TBC1D25: variants seen among roughly 807,000 people sequenced by gnomAD.
TBC1D25 encodes the protein 5SN3 snoRNA.
In TBC1D25, 13 loss-of-function variants were observed where a neutral mutation model predicts 38.8. The ratio of observed to expected loss-of-function variants is 0.34; its 90% CI spans 0.22 to 0.53. The LOEUF is 0.53. TBC1D25 is among the 20% of genes least tolerant of loss of function. The probability of loss-of-function intolerance (pLI) is 0.94; values close to 1 mark genes in which losing one functional copy is unlikely to be tolerated. For missense variants in TBC1D25, 372 were observed against 600.0 expected (o/e 0.62, Z 3.97); for synonymous variants, 225 against 255.6 (o/e 0.88, Z 1.14).
chrX:48,560,466 A>G lies in TBC1D25; in HGVS notation c.1558A>G (p.Arg520Gly). The change falls in exon 6 of 6, where the codon AGG (arginine) becomes GGG (glycine). Residue 520 changes from arginine (R) to glycine (G), a missense_variant. By Grantham distance (125) the Arg-to-Gly change is moderately radical. Coordinates refer to ENST00000376771, the MANE Select transcript of TBC1D25 (RefSeq NM_002536.4). ...GCAACTCAGGGATAACATGGGCTCC[A>G]GGAGGGACCCTCTGGTCCAGCTGCC... ...LQQLRDNMGS[R>G]RDPLVQLPHP... 1 of 1,209,746 alleles carries G rather than the reference A, an allele frequency of 8.3e-7. No individual in the cohort carries two copies. The highest frequency in any genetic ancestry group is 1.1e-6 in the Non-Finnish European group (1 of 894,459).
chrX:48,544,088 T>G (rs1396062815), intron 2 of TBC1D25, among the ~76,000 whole-genome samples: 2 of 111,461 alleles, frequency 1.8e-5, no homozygotes, highest in Non-Finnish European at 3.8e-5. Flanking sequence ...ATTCAAACAG[T>G]ACACAATTGT....
chrX:48,556,991 G>A (rs1185561553), intron 3 of TBC1D25, among the ~76,000 whole-genome samples: 1 of 109,596 alleles, frequency 9.1e-6, no homozygotes, highest in East Asian at 2.9e-4. Context: ...CACTTTGGGA[G>A]GCCAAGGCAG....
At chrX:48,547,587 G>C (rs953955869) in intron 3 of TBC1D25, among the ~76,000 whole-genome samples, 9 of 112,116 alleles carry the variant, frequency 8.0e-5, no homozygotes, top group African/African-American at 2.6e-4. Flanking sequence ...TGCCAGTAAA[G>C]CAGAGAGACA....
intron 2 of TBC1D25, 49 bp downstream of exon 2, chrX:48,541,491 A>T: frequency 9.0e-7 from 1 of 1,110,843 alleles, no homozygotes; most frequent in Non-Finnish European, 1.2e-6. Context: ...CGACCTCTAC[A>T]GTGGCTATCT....
At chrX:48,545,353 C>T (rs953074868) in intron 3 of TBC1D25, among the ~76,000 whole-genome samples, 15 of 111,632 alleles carry the variant, frequency 1.3e-4, no homozygotes, top group African/African-American at 4.6e-4. Flanking sequence ...AACATATAAC[C>T]GAGTAATGTA....
chrX:48,543,650 T>C (rs1436090059), intron 2 of TBC1D25, among the ~76,000 whole-genome samples: 5 of 106,281 alleles, frequency 4.7e-5, no homozygotes, highest in Non-Finnish European at 7.8e-5. Context: ...TTTGGGAGGC[T>C]GAGGCAGGTG....
chrX:48,554,087 A>G (rs1167347851), intron 3 of TBC1D25, among the ~76,000 whole-genome samples: 1 of 108,975 alleles, frequency 9.2e-6, no homozygotes, highest in Non-Finnish European at 1.9e-5. Context: ...AGGCTGAGAC[A>G]GGAGAATCGC....
At chrX:48,546,457 G>A (rs1341217756) in intron 3 of TBC1D25, among the ~76,000 whole-genome samples, 1 of 110,426 alleles carries the variant, frequency 9.1e-6, no homozygotes, top group African/African-American at 3.3e-5. Flanking sequence ...AGCTTGCAGT[G>A]AGCCAAGATC....
At chrX:48,548,771 ATG>A (rs1369422521) in intron 3 of TBC1D25, among the ~76,000 whole-genome samples, 3 of 112,197 alleles carry the variant, frequency 2.7e-5, no homozygotes, top group Non-Finnish European at 3.8e-5. Context: ...TTATCCACAT[ATG>A]TGAGTATATT....
rs782513751 is a variant in TBC1D25 at position 48,551,573 on chromosome X, G to A, written c.388+6550G>A. Among the ~76,000 whole-genome samples the A allele has an allele frequency of 3.4e-4, 37 of 109,077 alleles. 1 individual carries two copies. The highest frequency in any genetic ancestry group is 2.1e-3 in the Admixed American group (21 of 10,030). The allele number at this position is 109,077 out of a possible 115,157, so 94.7% of individuals were successfully genotyped here. A position where few individuals can be genotyped will look rare whatever the true frequency, so the allele number is the denominator to read the frequency against. ...GATCTCTTGACCTTGTGATCCGCCC[G>A]CCTTGCTTCTCAAAGTGCTGGGATT... On this transcript the variant is annotated intron_variant, in intron 3 of 5. Coordinates refer to ENST00000376771, the MANE Select transcript of TBC1D25 (RefSeq NM_002536.4).
chrX:48,556,267 G>A (rs966470201), intron 3 of TBC1D25, among the ~76,000 whole-genome samples: 2 of 111,060 alleles, frequency 1.8e-5, no homozygotes, highest in Admixed American at 1.9e-4. Context: ...GGAGAATGGC[G>A]ATGACTTTTA....
Position 48,561,166 on chromosome X carries a change from T to A in TBC1D25, c.*191T>A. 4 of 444,840 alleles carry A rather than the reference T, an allele frequency of 9.0e-6. No individual in the cohort carries two copies. Among genetic ancestry groups the A allele is most frequent in the Non-Finnish European group, 1.5e-5 (4 of 270,265 alleles). 36.7% of individuals were successfully genotyped at this position (444,840 alleles called of 1,213,427 possible). On this transcript the variant is annotated 3_prime_UTR_variant, in exon 6 of 6. Transcript: ENST00000376771. ...GCCCCGCAGAGGCCACGCCTATTTATTCTGTTTCTGTTGTTTTGTTTTTAA... is the reference window on the plus strand; with the variant it reads ...GCCCCGCAGAGGCCACGCCTATTTAATCTGTTTCTGTTGTTTTGTTTTTAA...
intron 2 of TBC1D25, among the ~76,000 whole-genome samples, chrX:48,544,297 C>T (rs1383277889): frequency 9.4e-6 from 1 of 106,497 alleles, no homozygotes; most frequent in Non-Finnish European, 1.9e-5. Context: ...TTCTGTCCCA[C>T]ATCTACCCCA....
chrX:48,556,602 C>A (rs782149820), intron 3 of TBC1D25, among the ~76,000 whole-genome samples: 10 of 109,453 alleles, frequency 9.1e-5, no homozygotes, highest in Non-Finnish European at 1.7e-4. Context: ...AAAAAATTAG[C>A]CAGGCGTGGT....
At chrX:48,544,008 G>C (rs148876144) in intron 2 of TBC1D25, among the ~76,000 whole-genome samples, 331 of 111,867 alleles carry the variant, frequency 3.0e-3, no homozygotes, top group Middle Eastern at 0.014. Context: ...CTGAAAAGTG[G>C]TGTCTCTTGG....
At chrX:48,556,746 CAAAA>C (rs57538682) in intron 3 of TBC1D25, among the ~76,000 whole-genome samples, 3 of 42,434 alleles carry the variant, frequency 7.1e-5, no homozygotes, top group South Asian at 1.7e-3. Flanking sequence ...GACTCCGTCT[CAAAA>C]AAAAAAAAAA....
At chrX:48,555,550 T>G (rs1556984289) in intron 3 of TBC1D25, among the ~76,000 whole-genome samples, 1 of 111,666 alleles carries the variant, frequency 9.0e-6, no homozygotes, top group African/African-American at 3.3e-5. Context: ...TCCACACTTG[T>G]GGGTATTTCT....
chrX:48,545,340 T>TA (rs1429904154), intron 3 of TBC1D25, among the ~76,000 whole-genome samples: 2 of 112,619 alleles, frequency 1.8e-5, no homozygotes, highest in Non-Finnish European at 3.7e-5. Flanking sequence ...ATTATACTAT[T>TA]ATAACATATA....
intron 3 of TBC1D25, among the ~76,000 whole-genome samples, chrX:48,553,626 T>C (rs1376698250): frequency 2.1e-5 from 2 of 95,761 alleles, no homozygotes; most frequent in African/African-American, 3.8e-5. Context: ...CTTTTTTTTT[T>C]TTTTTTTTTT....
Sources: allele counts gnomAD v4.1 joint callset (sites outside exome capture counted in the v4.1 genomes callset), GRCh38; gene constraint gnomAD v4.1.1; transcripts MANE v1.5; gene names NCBI Gene and HGNC (gene_info 2026-07-23, HGNC 2026-07-21).